PARVB: variants seen among roughly 807,000 people sequenced by gnomAD.
PARVB encodes beta-parvin.
A neutral mutation model predicts 47.0 loss-of-function variants in PARVB; 46 were observed. That is an observed-to-expected ratio of 0.98 (90% CI 0.77 to 1.25). PARVB has a LOEUF of 1.25. PARVB is among the 50% of genes most tolerant of loss of function. PARVB has a pLI of 0.00. For missense variants in PARVB, 473 were observed against 471.6 expected (o/e 1.00, Z -0.03); for synonymous variants, 196 against 196.3 (o/e 1.00, Z 0.01).
At chr22:44,130,950 A>G (rs2053294910) in intron 4 of PARVB, among the ~76,000 whole-genome samples, 1 of 150,248 alleles carries the variant, frequency 6.7e-6, no homozygotes, top group African/African-American at 2.5e-5. Context: ...CCCCATGGCC[A>G]CATGGTAACC....
chr22:44,044,179 G>A (rs1256866072), intron 1 of PARVB, among the ~76,000 whole-genome samples: 1 of 151,076 alleles, frequency 6.6e-6, no homozygotes, highest in Non-Finnish European at 1.5e-5. Context: ...TGAGACAGCA[G>A]CATTTTTTGT....
Position 44,169,458 on chromosome 22 carries a change from G to A in PARVB, c.*780G>A, listed in dbSNP as rs1035071446. The A allele has an allele frequency of 6.0e-5, 9 of 150,006 alleles. 1 individual carries two copies. Among genetic ancestry groups the A allele is most frequent in the African/African-American group, 2.3e-4 (9 of 39,350 alleles). 9.3% of individuals were successfully genotyped at this position (150,006 alleles called of 1,614,324 possible). ...TAATTGTGCTGCTTGAGACAGCTTG[G>A]GTCACAGCTTTCCCCTTCAGAGGCC... On this transcript the variant is annotated 3_prime_UTR_variant, in exon 13 of 13. Transcript: ENST00000338758.
In PARVB at chr22:44,168,762, G is replaced by T; in HGVS notation, c.*84G>T. Reference sequence around the variant, plus strand: ...GCCCTGTGCCTTTCCAGGGAGCCAGGCGCCATGGGCTTCTGGTCCAAGCTG... The same window carrying T: ...GCCCTGTGCCTTTCCAGGGAGCCAGTCGCCATGGGCTTCTGGTCCAAGCTG... On this transcript the variant is annotated 3_prime_UTR_variant, in exon 13 of 13. Transcript: ENST00000338758. 4.3e-6 allele frequency: 4 copies of T among 931,134 alleles called. No individual in the cohort carries two copies. In the Middle Eastern group the frequency reaches 8.3e-4, roughly 194 times the overall value. The allele number at this position is 931,134 out of a possible 1,614,324, so 57.7% of individuals were successfully genotyped here.
At chr22:44,106,122 A>C (rs1175895850) in intron 3 of PARVB, 7 of 142,540 alleles carry the variant, frequency 4.9e-5, no homozygotes, top group African/African-American at 1.8e-4. Flanking sequence ...GAGCCATTGC[A>C]TGCCCAGCCA....
chr22:44,099,581 A>C (rs2052392989), intron 2 of PARVB, among the ~76,000 whole-genome samples: 1 of 152,030 alleles, frequency 6.6e-6, no homozygotes, highest in Non-Finnish European at 1.5e-5. Context: ...TATTTTACAT[A>C]CAACATTGCA....
intron 1 of PARVB, among the ~76,000 whole-genome samples, chr22:44,067,264 TGTTA>T (rs936573153): frequency 2.4e-4 from 36 of 152,358 alleles, no homozygotes; most frequent in African/African-American, 7.2e-4. Flanking sequence ...GTGAATGAAA[TGTTA>T]GTTAGTTGCA....
chr22:44,167,369 C>T (rs916498538), intron 12 of PARVB, among the ~76,000 whole-genome samples: 2 of 152,160 alleles, frequency 1.3e-5, no homozygotes, highest in African/African-American at 4.8e-5. Context: ...GCAGGTCTGG[C>T]AGGGGTGTGA....
intron 3 of PARVB, chr22:44,109,177 C>T (rs1284773414): frequency 1.3e-5 from 2 of 152,382 alleles, no homozygotes; most frequent in Admixed American, 1.3e-4. Context: ...AGGTGCCCTC[C>T]CGTGCCCCCT....
chr22:44,015,533 T>C (rs914143122), intron 2 of PARVB, among the ~76,000 whole-genome samples: 2 of 152,088 alleles, frequency 1.3e-5, no homozygotes, highest in East Asian at 1.9e-4. Flanking sequence ...ATACATAGGA[T>C]TGGGGCTGGG....
rs926310597 is a variant in PARVB, at chr22:44,131,362, G to A, written c.377-125G>A. On this transcript the variant is annotated intron_variant, in intron 4 of 12. Transcript: ENST00000338758. The stretch of plus-strand genomic sequence containing the variant: ...TCACCATATTTGCCAGGCTGGTCTC[G>A]AACTCCTGGCCTGAAGTGATTCACC... The A allele has an allele frequency of 4.4e-5, 42 of 956,904 alleles. No homozygotes were observed. In the East Asian group the frequency reaches 7.5e-4, roughly 17 times the overall value. The allele number at this position is 956,904 out of a possible 1,614,324, so 59.3% of individuals were successfully genotyped here.
chr22:44,139,129 G>A (rs372655424), intron 7 of PARVB: 3 of 152,234 alleles, frequency 2.0e-5, no homozygotes, highest in African/African-American at 7.2e-5. Flanking sequence ...GGATCCTTTA[G>A]TTCCACAAGT....
At position 44,124,089 on chromosome 22, in the gene PARVB, GA is replaced by G. The variant is rs113729399; in HGVS notation, c.376+4952del. On this transcript the variant is annotated intron_variant, in intron 4 of 12. Transcript: ENST00000338758. ...ACAAATATTTGTTGATTAAGTCAAT[GA>G]AAGAATTCCTGCAGTTTCATTACCT... 9.8e-5 allele frequency among the ~76,000 whole-genome samples: 15 copies of G among 152,342 alleles called. 1 individual carries two copies. Among genetic ancestry groups the G allele is most frequent in the African/African-American group, 3.1e-4 (13 of 41,584 alleles).
At chr22:44,015,684 T>A (rs1258344651) in intron 2 of PARVB, among the ~76,000 whole-genome samples, 1 of 152,174 alleles carries the variant, frequency 6.6e-6, no homozygotes, top group African/African-American at 2.4e-5. Flanking sequence ...CTGTGGGTGA[T>A]GATGCACACC....
chr22:44,122,548 GAGAGACACAGAGAC>G (rs1569134501), intron 4 of PARVB, among the ~76,000 whole-genome samples: 2,228 of 91,642 alleles, frequency 0.024, 134 homozygotes, highest in Middle Eastern at 0.033. Flanking sequence ...GAGAGAGAGA[GAGAGACACAGAGAC>G]AGAGAGAGAG....
chr22:44,085,923 C>G (rs2052013740), intron 1 of PARVB, among the ~76,000 whole-genome samples: 1 of 152,208 alleles, frequency 6.6e-6, no homozygotes, highest in Non-Finnish European at 1.5e-5. Context: ...GTCTGCGCCA[C>G]CTGTTGACCT....
intron 2 of PARVB, among the ~76,000 whole-genome samples, chr22:44,004,944 A>G (rs1717644520): frequency 6.6e-6 from 1 of 152,206 alleles, no homozygotes; most frequent in South Asian, 2.1e-4. Flanking sequence ...AAAATGGATG[A>G]TTGATTTAAA....
intron 8 of PARVB, chr22:44,146,331 T>TCACACGCACA (rs5845637): frequency 2.7e-4 from 39 of 145,736 alleles, no homozygotes; most frequent in African/African-American, 9.6e-4. Flanking sequence ...ACACATGTGC[T>TCACACGCACA]CACGTGCACA....
chr22:44,071,064 A>G (rs552120745), intron 1 of PARVB, among the ~76,000 whole-genome samples: 1 of 152,224 alleles, frequency 6.6e-6, no homozygotes, highest in South Asian at 2.1e-4. Flanking sequence ...GTATCACTCC[A>G]GCGACATTTC....
At chr22:44,120,930 G>A (rs911007356) in intron 4 of PARVB, among the ~76,000 whole-genome samples, 5 of 151,364 alleles carry the variant, frequency 3.3e-5, no homozygotes, top group Admixed American at 6.6e-5. Flanking sequence ...TGCAACCTCC[G>A]ACTCCCTAGT....
Sources: allele counts gnomAD v4.1 joint callset (sites outside exome capture counted in the v4.1 genomes callset), GRCh38; gene constraint gnomAD v4.1.1; transcripts MANE v1.5; gene names NCBI Gene and HGNC (gene_info 2026-07-23, HGNC 2026-07-21).